ABCB5: variants seen among roughly 807,000 people sequenced by gnomAD.
ABCB5 encodes the protein ATP-binding cassette sub-family B member 5.
A neutral mutation model predicts 144.2 loss-of-function variants in ABCB5; 155 were observed. The observed-to-expected ratio is 1.08, with a 90% confidence interval of 0.94 to 1.23. The LOEUF (loss-of-function observed/expected upper bound fraction) is 1.23. Ranked by LOEUF, ABCB5 falls within the 50% of genes most tolerant of loss-of-function variation. The probability of loss-of-function intolerance (pLI) is 0.00; values close to 1 mark genes in which losing one functional copy is unlikely to be tolerated. For missense variants in ABCB5, 1,830 were observed against 1,520.8 expected (o/e 1.20, Z -3.38); for synonymous variants, 610 against 528.6 (o/e 1.15, Z -2.11).
intron 5 of ABCB5, among the ~76,000 whole-genome samples, chr7:20,637,740 G>A (rs948402109): frequency 6.6e-6 from 1 of 151,990 alleles, no homozygotes; most frequent in Non-Finnish European, 1.5e-5. Flanking sequence ...AATTCTATGT[G>A]AACTTCTAAG....
At chr7:20,721,777 T>C (rs888032586) in intron 20 of ABCB5, among the ~76,000 whole-genome samples, 12 of 152,222 alleles carry the variant, frequency 7.9e-5, no homozygotes, top group African/African-American at 2.7e-4. Flanking sequence ...TCCATTCAAA[T>C]AGGAGTTAAG....
chr7:20,695,896 A>C (rs538418229), intron 16 of ABCB5, among the ~76,000 whole-genome samples: 1 of 151,998 alleles, frequency 6.6e-6, no homozygotes, highest in Non-Finnish European at 1.5e-5. Flanking sequence ...AGAATGGTTA[A>C]ATCTAAAGAG....
At chr7:20,721,668 A>C (rs1202935670) in intron 20 of ABCB5, among the ~76,000 whole-genome samples, 1 of 152,208 alleles carries the variant, frequency 6.6e-6, no homozygotes, top group Non-Finnish European at 1.5e-5. Context: ...GCATGATTAT[A>C]ATATCTTCAC....
intron 14 of ABCB5, among the ~76,000 whole-genome samples, chr7:20,663,926 G>C (rs1009254178): frequency 6.6e-6 from 1 of 151,942 alleles, no homozygotes; most frequent in Non-Finnish European, 1.5e-5. Flanking sequence ...ATGTTGGTCA[G>C]GCTGGTCTCG....
intron 26 of ABCB5, among the ~76,000 whole-genome samples, chr7:20,746,460 C>T (rs1416199509): frequency 1.3e-5 from 2 of 152,326 alleles, no homozygotes; most frequent in East Asian, 3.9e-4. Context: ...CCCTAAACAT[C>T]CTATTTTTAA....
chr7:20,658,578 C>T lies in ABCB5; in HGVS notation c.1609C>T (p.Arg537Cys), dbSNP rs147534424. Residue 537 changes from arginine (R) to cysteine (C), a missense_variant, in exon 14 of 28, where the codon CGT becomes TGT. Coordinates refer to ENST00000404938, the MANE Select transcript of ABCB5 (RefSeq NM_001163941.2). ...GGQKQRIAIA[R>C]ALVRNPKILI... ...GCAGAAACAGAGGATCGCAATTGCTCGTGCCTTAGTTCGAAACCCCAAGAT... is the reference window on the plus strand; with the variant it reads ...GCAGAAACAGAGGATCGCAATTGCTTGTGCCTTAGTTCGAAACCCCAAGAT... The T allele has an allele frequency of 3.7e-5, 59 of 1,614,096 alleles. No individual in the cohort carries two copies. The highest frequency in any genetic ancestry group is 3.2e-4 in the African/African-American group (24 of 75,020).
intron 2 of ABCB5, among the ~76,000 whole-genome samples, chr7:20,625,820 C>G (rs1783896265): frequency 6.6e-6 from 1 of 152,104 alleles, no homozygotes; most frequent in Non-Finnish European, 1.5e-5. Context: ...AGAATTAAAA[C>G]CAGTGAGTTG....
chr7:20,627,710 T>C (rs1387864959), intron 3 of ABCB5, among the ~76,000 whole-genome samples: 2 of 152,112 alleles, frequency 1.3e-5, no homozygotes, highest in East Asian at 3.9e-4. Flanking sequence ...ATAGGCATTG[T>C]TCTGTGTAGA....
At chr7:20,739,285 C>A in intron 24 of ABCB5, 146 bp downstream of exon 24, 1 of 722,242 alleles carries the variant, frequency 1.4e-6, no homozygotes, top group Non-Finnish European at 2.0e-6. Flanking sequence ...CAAGATCATT[C>A]ATACCCCAAA....
chr7:20,662,414 A>T (rs1432532097), intron 14 of ABCB5, among the ~76,000 whole-genome samples: 1 of 152,232 alleles, frequency 6.6e-6, no homozygotes, highest in Non-Finnish European at 1.5e-5. Flanking sequence ...CGGCCACTGG[A>T]TTAAATTAAG....
intron 13 of ABCB5, among the ~76,000 whole-genome samples, chr7:20,653,829 G>C (rs1216023171): frequency 6.6e-6 from 1 of 152,224 alleles, no homozygotes; most frequent in East Asian, 1.9e-4. Context: ...AGCTGCAAGC[G>C]GAACACTGGA....
At chr7:20,743,265 G>A (rs1782619122) in intron 25 of ABCB5, among the ~76,000 whole-genome samples, 191 bp downstream of exon 25, 1 of 152,184 alleles carries the variant, frequency 6.6e-6, no homozygotes, top group Non-Finnish European at 1.5e-5. Flanking sequence ...TTAGGACTCT[G>A]AAGTGAAGCA....
intron 20 of ABCB5, among the ~76,000 whole-genome samples, chr7:20,721,611 C>T (rs1177975455): frequency 6.6e-6 from 1 of 152,194 alleles, no homozygotes; most frequent in African/African-American, 2.4e-5. Context: ...CAACACAAAG[C>T]TTCATGCTCC....
intron 23 of ABCB5, among the ~76,000 whole-genome samples, chr7:20,730,310 G>C (rs949892153): frequency 2.6e-5 from 4 of 152,178 alleles, no homozygotes; most frequent in Admixed American, 2.6e-4. Context: ...AGGATTTCGA[G>C]ACCAGCCTGG....
Position 20,650,101 on chromosome 7 carries a change from C to G in ABCB5, c.1286C>G (p.Thr429Arg), listed in dbSNP as rs144527025. The G allele has an allele frequency of 6.2e-7, 1 of 1,613,540 alleles. No individual in the cohort carries two copies. The highest frequency in any genetic ancestry group is 1.1e-5 in the South Asian group (1 of 91,074). ...GGTCTCAATGGCAGTGGGAAGAGTACGGTAGTCCAGCTTCTGCAGAGGTTA... is the reference window on the plus strand; with the variant it reads ...GGTCTCAATGGCAGTGGGAAGAGTAGGGTAGTCCAGCTTCTGCAGAGGTTA... ...LVGLNGSGKS[T>R]VVQLLQRLYD... Residue 429 changes from threonine to arginine, a missense_variant, in exon 12 of 28, where the codon ACG becomes AGG. By Grantham distance (71) the Thr-to-Arg change is moderately conservative (BLOSUM62 -1). Transcript: ENST00000404938.
intron 25 of ABCB5, among the ~76,000 whole-genome samples, chr7:20,744,693 C>T (rs1451036925): frequency 6.6e-6 from 1 of 151,902 alleles, no homozygotes; most frequent in African/African-American, 2.4e-5. Flanking sequence ...AGCACACCAA[C>T]ATGGCACATG....
intron 14 of ABCB5, among the ~76,000 whole-genome samples, chr7:20,675,456 A>T (rs571955164): frequency 1.3e-5 from 2 of 152,182 alleles, no homozygotes; most frequent in East Asian, 3.9e-4. Flanking sequence ...AAAGAATGAA[A>T]ACTGGACTTT....
chr7:20,692,767 G>A (rs912247693), intron 16 of ABCB5, among the ~76,000 whole-genome samples: 2 of 152,030 alleles, frequency 1.3e-5, no homozygotes, highest in African/African-American at 2.4e-5. Context: ...TTCCTAAGTG[G>A]TATATAACAT....
chr7:20,709,671 A>G (rs1048758884), intron 20 of ABCB5, among the ~76,000 whole-genome samples: 6 of 150,134 alleles, frequency 4.0e-5, no homozygotes, highest in Non-Finnish European at 8.9e-5. Flanking sequence ...TGAGATGTGT[A>G]GCATGCTGAG....
Sources: gnomAD v4.1 joint callset for allele counts (sites outside exome capture counted in the v4.1 genomes callset) on GRCh38, gnomAD v4.1.1 for gene constraint, MANE v1.5 for transcripts, NCBI Gene and HGNC (gene_info 2026-07-23, HGNC 2026-07-21) for gene names.